Variants in SNTG1 observed in about 807,000 individuals in gnomAD.
SNTG1 encodes the protein syntrophin gamma 1.
Under a neutral mutation model 74.7 loss-of-function variants are expected in SNTG1, and 39 were observed. The observed-to-expected ratio is 0.52, with a 90% CI of 0.40 to 0.68. The LOEUF is 0.68. Among genes scored for constraint, SNTG1 ranks in the 30% least tolerant of loss-of-function variants. The probability of loss-of-function intolerance (pLI) is 0.00; values close to 1 mark genes in which losing one functional copy is unlikely to be tolerated. For synonymous variants in SNTG1, 254 were observed against 217.1 expected, an observed-to-expected ratio of 1.17 and a Z score of -1.49; for missense variants, 685 against 609.5, an observed-to-expected ratio of 1.12 and a Z score of -1.30.
chr8:50,230,323 G>GA (rs57747768), intron 2 of SNTG1, among the ~76,000 whole-genome samples: 135,835 of 151,142 alleles, frequency 0.9, 62,344 homozygotes, highest in East Asian at 1. Flanking sequence ...GATTGAGAAA[G>GA]AAAACAGAGA....
intron 10 of SNTG1, among the ~76,000 whole-genome samples, chr8:50,533,225 A>T (rs947133027): frequency 6.6e-6 from 1 of 152,220 alleles, no homozygotes; most frequent in Non-Finnish European, 1.5e-5. Flanking sequence ...TCTGATTCAG[A>T]TAATCAGCCA....
At chr8:50,382,046 C>T (rs1417648663) in intron 2 of SNTG1, 1 of 151,600 alleles carries the variant, frequency 6.6e-6, no homozygotes, top group Non-Finnish European at 1.5e-5. Flanking sequence ...CGTCTTTTCA[C>T]ATTTCTCTGC....
Position 50,713,877 on chromosome 8 carries a change from A to G in SNTG1, c.1284+4899A>G, listed in dbSNP as rs182969971. Among the ~76,000 whole-genome samples, 138 of 152,100 alleles carry G rather than the reference A, an allele frequency of 9.1e-4. 2 individuals are homozygous for G. Among genetic ancestry groups the G allele is most frequent in the Middle Eastern group, 6.8e-3 (2 of 294 alleles). On this transcript the variant is annotated intron_variant, in intron 17 of 18. Coordinates refer to ENST00000642720, the MANE Select transcript of SNTG1 (RefSeq NM_018967.5). ...GTTTAAGACCAGCATGACCAACATA[A>G]TGAAACCTTGCCTCTACTAAAAATA...
intron 1 of SNTG1, among the ~76,000 whole-genome samples, chr8:50,123,225 G>A (rs1325103031): frequency 7.0e-6 from 1 of 142,906 alleles, no homozygotes; most frequent in African/African-American, 2.5e-5. Flanking sequence ...AGTGGCTGAT[G>A]GTAATTATTG....
chr8:49,993,927 A>G (rs888304421), intron 1 of SNTG1, among the ~76,000 whole-genome samples: 1 of 152,136 alleles, frequency 6.6e-6, no homozygotes, highest in African/African-American at 2.4e-5. Context: ...TGTTGAAAAT[A>G]CCTTTGAATT....
At chr8:50,155,114 A>T (rs1027556245) in intron 1 of SNTG1, among the ~76,000 whole-genome samples, 1 of 152,246 alleles carries the variant, frequency 6.6e-6, no homozygotes, top group African/African-American at 2.4e-5. Flanking sequence ...CAATTAATAG[A>T]GACCAAATTT....
At chr8:50,102,889 T>C (rs1438638224) in intron 1 of SNTG1, among the ~76,000 whole-genome samples, 2 of 149,594 alleles carry the variant, frequency 1.3e-5, no homozygotes, top group Non-Finnish European at 3.0e-5. Flanking sequence ...GCGTTATTTC[T>C]GAGGGCTCTG....
At chr8:50,671,065 T>C (rs1025086959) in intron 15 of SNTG1, among the ~76,000 whole-genome samples, 8 of 151,394 alleles carry the variant, frequency 5.3e-5, no homozygotes, top group African/African-American at 1.2e-4. Flanking sequence ...AAGACTTAAA[T>C]GTTAGACCTA....
At chr8:50,481,779 T>C (rs2093742785) in intron 8 of SNTG1, among the ~76,000 whole-genome samples, 1 of 152,248 alleles carries the variant, frequency 6.6e-6, no homozygotes, top group African/African-American at 2.4e-5. Flanking sequence ...AAAATATCTA[T>C]GAAATCCTTT....
At chr8:50,103,167 C>G (rs370242669) in intron 1 of SNTG1, among the ~76,000 whole-genome samples, 8 of 152,132 alleles carry the variant, frequency 5.3e-5, no homozygotes, top group Non-Finnish European at 1.0e-4. Context: ...GCCATTTTCA[C>G]GATATTGATT....
At chr8:50,332,954 A>G in intron 2 of SNTG1, among the ~76,000 whole-genome samples, 1 of 152,234 alleles carries the variant, frequency 6.6e-6, no homozygotes, top group East Asian at 1.9e-4. Flanking sequence ...CTTTGTTCTC[A>G]CATTGTGAGT....
At chr8:50,006,874 C>T (rs1203230506) in intron 1 of SNTG1, among the ~76,000 whole-genome samples, 1 of 152,186 alleles carries the variant, frequency 6.6e-6, no homozygotes, top group East Asian at 1.9e-4. Context: ...GAGAACCTCT[C>T]AGGCTGCTCA....
intron 15 of SNTG1, among the ~76,000 whole-genome samples, chr8:50,702,519 G>A (rs938028906): frequency 6.6e-6 from 1 of 152,088 alleles, no homozygotes; most frequent in Non-Finnish European, 1.5e-5. Flanking sequence ...TTAAACATTT[G>A]CCAAAGCAGA....
intron 1 of SNTG1, among the ~76,000 whole-genome samples, chr8:49,976,016 TA>T (rs1249731479): frequency 1.3e-5 from 2 of 152,188 alleles, no homozygotes; most frequent in African/African-American, 4.8e-5. Context: ...TTCTTATTTT[TA>T]TTTCAAAAAC....
intron 8 of SNTG1, among the ~76,000 whole-genome samples, chr8:50,481,671 A>C (rs1172373376): frequency 1.3e-5 from 2 of 152,228 alleles, no homozygotes; most frequent in Non-Finnish European, 2.9e-5. Context: ...ATGTCATGAA[A>C]TAAATCATAT....
intron 1 of SNTG1, among the ~76,000 whole-genome samples, chr8:50,004,868 AAAAGCACACAAACC>A (rs1229792482): frequency 6.6e-6 from 1 of 152,208 alleles, no homozygotes; most frequent in Non-Finnish European, 1.5e-5. Flanking sequence ...AAACCAAACC[AAAAGCACACAAACC>A]AAAGCAGAGA....
At chr8:50,373,750 A>G (rs1783437404) in intron 2 of SNTG1, among the ~76,000 whole-genome samples, 1 of 152,174 alleles carries the variant, frequency 6.6e-6, no homozygotes, top group Non-Finnish European at 1.5e-5. Flanking sequence ...TTTTCTCTAA[A>G]GTGAGATGTT....
chr8:50,781,779 G>C (rs1441390668), intron 18 of SNTG1, among the ~76,000 whole-genome samples: 1 of 152,156 alleles, frequency 6.6e-6, no homozygotes, highest in Admixed American at 6.5e-5. Context: ...CGCGTTCGTT[G>C]ATGCAGTTTC....
chr8:50,776,602 C>A (rs1025798038), intron 18 of SNTG1, among the ~76,000 whole-genome samples: 1 of 150,232 alleles, frequency 6.7e-6, no homozygotes, highest in African/African-American at 2.4e-5. Context: ...GACAATATTA[C>A]AATTTTTGTT....
Sources: allele counts gnomAD v4.1 joint callset (sites outside exome capture counted in the v4.1 genomes callset), GRCh38; gene constraint gnomAD v4.1.1; transcripts MANE v1.5; gene names NCBI Gene and HGNC (gene_info 2026-07-23, HGNC 2026-07-21).